GPATCH1: variants seen among roughly 807,000 people sequenced by gnomAD.
GPATCH1 encodes the protein G-patch domain containing 1.
A neutral mutation model predicts 114.9 loss-of-function variants in GPATCH1; 73 were observed. That is an observed-to-expected ratio of 0.64 (90% CI 0.53 to 0.77). The LOEUF is 0.77. Ranked by LOEUF, GPATCH1 falls within the 30% of genes least tolerant of loss-of-function variation. The pLI is 0.00. For missense variants in GPATCH1, 1,058 were observed against 1,144.3 expected, an observed-to-expected ratio of 0.92 and a Z score of 1.09; for synonymous variants, 391 against 428.4, an observed-to-expected ratio of 0.91 and a Z score of 1.08.
chr19:33,122,921 A>G (rs913781746), intron 17 of GPATCH1, among the ~76,000 whole-genome samples: 11 of 151,552 alleles, frequency 7.3e-5, no homozygotes, highest in African/African-American at 2.7e-4. Context: ...AAAAGAAAAA[A>G]ATTAGCCTGG....
At chr19:33,116,591 G>A (rs578255748) in intron 15 of GPATCH1, among the ~76,000 whole-genome samples, 160 of 152,250 alleles carry the variant, frequency 1.1e-3, no homozygotes, top group African/African-American at 2.4e-3. Context: ...GGGCAGTGGC[G>A]CGATCTCAGC....
chr19:33,100,900 G>A lies in GPATCH1; in HGVS notation c.1001-595G>A, dbSNP rs373814562. Among the ~76,000 whole-genome samples the A allele has an allele frequency of 1.1e-4, 17 of 152,208 alleles. No individual in the cohort carries two copies. The South Asian group carries it at 2.9e-3, about 26-fold the overall frequency. On this transcript the variant is annotated intron_variant, in intron 8 of 19. Transcript: ENST00000170564. Reference sequence around the variant, plus strand: ...GAATCAAATCAAAGAGCTTTTGTTGGTGGGGTTGTCTCTATGACCAGAAGA... The same window carrying A: ...GAATCAAATCAAAGAGCTTTTGTTGATGGGGTTGTCTCTATGACCAGAAGA...
intron 17 of GPATCH1, among the ~76,000 whole-genome samples, chr19:33,120,040 A>G (rs1212526120): frequency 7.3e-6 from 1 of 136,502 alleles, no homozygotes; most frequent in African/African-American, 2.7e-5. Context: ...TTATATATTT[A>G]TATTTTATAT....
chr19:33,110,037 T>C (rs1972834297), intron 11 of GPATCH1, 21 bp downstream of exon 11: 1 of 1,574,556 alleles, frequency 6.4e-7, no homozygotes, highest in Non-Finnish European at 8.6e-7. Flanking sequence ...GGCCTGGGTG[T>C]CCCAAATCTC....
intron 17 of GPATCH1, among the ~76,000 whole-genome samples, chr19:33,121,134 T>G (rs1470708687): frequency 6.6e-6 from 1 of 151,654 alleles, no homozygotes; most frequent in South Asian, 2.1e-4. Flanking sequence ...TATTTATTTA[T>G]TTTTCAGACA....
chr19:33,094,500 C>T (rs1030283015), intron 5 of GPATCH1, among the ~76,000 whole-genome samples: 2 of 151,998 alleles, frequency 1.3e-5, no homozygotes, highest in African/African-American at 4.8e-5. Flanking sequence ...TTTGTAGAGA[C>T]GGGGTTTTGC....
rs1331651740 is a variant in GPATCH1, at chr19:33,090,863, G to C, written c.292G>C (p.Glu98Gln). The C allele has an allele frequency of 6.2e-7, 1 of 1,607,204 alleles. No homozygotes were observed. Among genetic ancestry groups the C allele is most frequent in the South Asian group, 1.1e-5 (1 of 90,886 alleles). ...TGGTCCTGAAGATTTTATGGATGAA[G>C]AGGTGCGTGTGCAAAACTTTAATTG... is the stretch of plus-strand genomic sequence containing the variant. ...VLGPEDFMDEEDLSEFGIAPK... is the reference protein window; with the variant it reads ...VLGPEDFMDEQDLSEFGIAPK... Residue 98 changes from glutamate to glutamine, a missense_variant and splice_region_variant, in exon 3 of 20, where the codon GAG becomes CAG. This residue lies in a region of GPATCH1 where 34 missense variants were observed against 59.6 expected (regional missense o/e 0.57). Coordinates refer to ENST00000170564, the MANE Select transcript of GPATCH1 (RefSeq NM_018025.3).
Position 33,096,217 on chromosome 19 carries a change from A to G in GPATCH1, c.623A>G (p.Asp208Gly). The G allele has an allele frequency of 6.2e-7, 1 of 1,613,740 alleles. No homozygotes were observed. The highest frequency in any genetic ancestry group is 2.2e-5 in the East Asian group (1 of 44,878). ...GSSEGSEGED[D>G]DYLPDNVTFA... is the part of the protein sequence containing the mutation. ...TTTAAACGGAAATAGGGTGAAGATG[A>G]TGACTACTTGCCTGATAATGTGACC... Residue 208 changes from aspartate (D) to glycine (G), a missense_variant, in exon 7 of 20, where the codon GAT becomes GGT. By Grantham distance (94) the Asp-to-Gly change is moderately conservative (BLOSUM62 -1). Around this residue, in one of 3 missense-constraint regions of GPATCH1, gnomAD observed 893 missense variants for 977.4 expected, o/e 0.91. Transcript: ENST00000170564.
Position 33,109,774 on chromosome 19 carries a change from A to G in GPATCH1, c.1343A>G (p.Glu448Gly). Residue 448 changes from glutamate (E) to glycine (G), a missense_variant, in exon 11 of 20, where the codon GAA becomes GGA. Physicochemically the swap from Glu to Gly is moderately conservative, Grantham distance 98. Around this residue, in one of 3 missense-constraint regions of GPATCH1, gnomAD observed 893 missense variants for 977.4 expected, o/e 0.91. Coordinates refer to ENST00000170564, the MANE Select transcript of GPATCH1 (RefSeq NM_018025.3). ...CAAAAAGACAAAGAGAGAATCAAAGAAATGAAGCAGGCAACTGACCTGAAA... is the reference window on the plus strand; with the variant it reads ...CAAAAAGACAAAGAGAGAATCAAAGGAATGAAGCAGGCAACTGACCTGAAA... The part of the protein sequence containing the change: ...LSQKDKERIK[E>G]MKQATDLKAA... 1 of 1,603,038 alleles carries G rather than the reference A, an allele frequency of 6.2e-7. No homozygotes were observed. The highest frequency in any genetic ancestry group is 1.1e-5 in the South Asian group (1 of 89,244).
intron 1 of GPATCH1, among the ~76,000 whole-genome samples, chr19:33,083,251 A>C (rs1207368088): frequency 2.0e-5 from 3 of 150,198 alleles, no homozygotes; most frequent in Non-Finnish European, 4.4e-5. Context: ...CTCAAAAAAA[A>C]AAAAAAAAAA....
At chr19:33,082,932 T>A (rs898896403) in intron 1 of GPATCH1, among the ~76,000 whole-genome samples, 3 of 151,980 alleles carry the variant, frequency 2.0e-5, no homozygotes, top group African/African-American at 7.2e-5. Context: ...GTGCCCAACA[T>A]TTTTTATTTT....
rs1427696145 is a variant in GPATCH1, at chr19:33,111,849, C to CA, written c.1712dup (p.His571GlnfsTer7). The CA allele has an allele frequency of 1.2e-6, 2 of 1,613,978 alleles. No homozygotes were observed. Among genetic ancestry groups the CA allele is most frequent in the African/African-American group, 2.7e-5 (2 of 74,930 alleles). ...TTCGACCTTGTCCTCCAGGTTCACT[C>CA]ACGCCAAGGAGGAGGATGACTCAGA... On this transcript the variant is annotated frameshift_variant, in exon 12 of 20. Transcript: ENST00000170564. LOFTEE classifies it high-confidence loss of function.
chr19:33,094,760 T>A (rs1285502837), intron 5 of GPATCH1, among the ~76,000 whole-genome samples: 1 of 152,200 alleles, frequency 6.6e-6, no homozygotes, highest in Non-Finnish European at 1.5e-5. Context: ...CCAGCCAGAC[T>A]GTAAGTGACT....
At chr19:33,108,265 A>C (rs1469507731) in intron 10 of GPATCH1, among the ~76,000 whole-genome samples, 1 of 151,952 alleles carries the variant, frequency 6.6e-6, no homozygotes, top group East Asian at 1.9e-4. Context: ...GAGGCCAACT[A>C]TACCAGCCAA....
chr19:33,094,606 T>TAAAAA (rs1972634741), intron 5 of GPATCH1, among the ~76,000 whole-genome samples: 1 of 152,196 alleles, frequency 6.6e-6, no homozygotes, highest in Non-Finnish European at 1.5e-5. Context: ...AGGCTTTTTA[T>TAAAAA]GTGTAATGCA....
intron 15 of GPATCH1, among the ~76,000 whole-genome samples, chr19:33,116,958 G>T (rs1260292915): frequency 1.3e-5 from 2 of 152,060 alleles, no homozygotes; most frequent in Non-Finnish European, 2.9e-5. Context: ...ACTTTGGGAG[G>T]CTGAGGCAGG....
intron 19 of GPATCH1, among the ~76,000 whole-genome samples, chr19:33,128,081 G>A (rs1359443021): frequency 2.0e-5 from 3 of 151,136 alleles, no homozygotes; most frequent in Admixed American, 6.6e-5. Flanking sequence ...TATATTTATA[G>A]GGTATGAATT....
intron 15 of GPATCH1, among the ~76,000 whole-genome samples, chr19:33,115,225 ATTTTTT>A (rs71176196): frequency 0.024 from 1,339 of 56,794 alleles, 62 homozygotes; most frequent in African/African-American, 0.1. Flanking sequence ...TGCCTGGCTA[ATTTTTT>A]TTTTTTTTTT....
chr19:33,096,296 T>C lies in GPATCH1; in HGVS notation c.702T>C (p.His234=). The change falls in exon 7 of 20, where the codon CAT becomes CAC. Residue 234 remains histidine (H), a synonymous_variant. Transcript: ENST00000170564. ...PVDFTPKDNV[H]GLAYKGLDPH... ...ATTTCACACCTAAAGATAATGTGCA[T>C]GGTCTAGCTTACAAGGGCCTGGATC... 3 of 1,614,124 alleles carry C rather than the reference T, an allele frequency of 1.9e-6. No homozygotes were observed. Among genetic ancestry groups the C allele is most frequent in the Non-Finnish European group, 2.5e-6 (3 of 1,179,990 alleles).
Sources: gnomAD v4.1 joint callset for allele counts (sites outside exome capture counted in the v4.1 genomes callset) on GRCh38, gnomAD v4.1.1 for gene constraint, gnomAD v4.1.1 regional missense constraint, MANE v1.5 for transcripts, NCBI Gene and HGNC (gene_info 2026-07-23, HGNC 2026-07-21) for gene names.